The following EFNA5 variants were observed in gnomAD, a reference collection of about 807,000 sequenced individuals.
The protein encoded by EFNA5 is ephrin A5.
In EFNA5, 5 loss-of-function variants were observed where a neutral mutation model predicts 22.9. That is an observed-to-expected ratio of 0.22 (90% CI 0.11 to 0.46). The LOEUF (loss-of-function observed/expected upper bound fraction) is 0.46. Among genes scored for constraint, EFNA5 ranks in the 20% least tolerant of loss-of-function variants. EFNA5 has a pLI of 0.99. For synonymous variants in EFNA5, 113 were observed against 112.2 expected (o/e 1.01, Z -0.04); for missense variants, 237 against 293.3 (o/e 0.81, Z 1.40).
intron 1 of EFNA5, among the ~76,000 whole-genome samples, chr5:107,501,309 C>G (rs1230949137): frequency 9.2e-5 from 14 of 152,292 alleles, no homozygotes; most frequent in Non-Finnish European, 2.9e-5. Context: ...AACACAACAT[C>G]AACTATACAA....
intron 1 of EFNA5, among the ~76,000 whole-genome samples, chr5:107,565,821 A>G (rs372694853): frequency 1.3e-5 from 2 of 152,256 alleles, no homozygotes; most frequent in South Asian, 2.1e-4. Flanking sequence ...ACAGAAAAAT[A>G]AGAGCTGAGT....
intron 1 of EFNA5, among the ~76,000 whole-genome samples, chr5:107,597,450 C>A (rs994708551): frequency 6.6e-6 from 1 of 152,144 alleles, no homozygotes; most frequent in African/African-American, 2.4e-5. Context: ...ACAAAAACAT[C>A]ATCTAGTTTT....
At chr5:107,456,927 A>G (rs960384511) in intron 1 of EFNA5, among the ~76,000 whole-genome samples, 1 of 152,238 alleles carries the variant, frequency 6.6e-6, no homozygotes, top group Non-Finnish European at 1.5e-5. Flanking sequence ...TCTGACCCTT[A>G]GCACAGTTGT....
intron 1 of EFNA5, among the ~76,000 whole-genome samples, chr5:107,480,091 G>C (rs1186095109): frequency 1.3e-5 from 2 of 152,082 alleles, no homozygotes; most frequent in East Asian, 3.9e-4. Flanking sequence ...AACAAGTCAT[G>C]AGAAAATAAG....
At chr5:107,625,792 A>G (rs1396424190) in intron 1 of EFNA5, among the ~76,000 whole-genome samples, 1 of 152,190 alleles carries the variant, frequency 6.6e-6, no homozygotes, top group Admixed American at 6.5e-5. Flanking sequence ...CTACCCCTAA[A>G]TTAAATTAGT....
chr5:107,593,899 G>A (rs1193647849), intron 1 of EFNA5, among the ~76,000 whole-genome samples: 1 of 151,966 alleles, frequency 6.6e-6, no homozygotes, highest in Non-Finnish European at 1.5e-5. Context: ...AAATCCTTCT[G>A]GTATTTATAA....
intron 1 of EFNA5, among the ~76,000 whole-genome samples, chr5:107,579,242 T>C (rs1414194365): frequency 2.0e-5 from 3 of 152,202 alleles, no homozygotes; most frequent in Non-Finnish European, 4.4e-5. Flanking sequence ...CAAACACAGC[T>C]GGATTAGAAT....
intron 2 of EFNA5, among the ~76,000 whole-genome samples, chr5:107,400,357 C>G (rs1193358056): frequency 2.0e-5 from 3 of 151,398 alleles, no homozygotes; most frequent in Non-Finnish European, 4.4e-5. Context: ...CAGATAAAAC[C>G]CACCCTTCTG....
chr5:107,662,620 A>G (rs946923320), intron 1 of EFNA5, among the ~76,000 whole-genome samples: 4 of 152,098 alleles, frequency 2.6e-5, no homozygotes, highest in African/African-American at 9.7e-5. Context: ...ATCTATGAGA[A>G]CCCACAAGAA....
At chr5:107,441,029 T>TC (rs1324522028) in intron 1 of EFNA5, among the ~76,000 whole-genome samples, 10 of 151,492 alleles carry the variant, frequency 6.6e-5, no homozygotes, top group African/African-American at 1.7e-4. Flanking sequence ...TTTTTTTTTT[T>TC]CAGTTCTACA....
At chr5:107,538,925 T>C (rs1747987082) in intron 1 of EFNA5, among the ~76,000 whole-genome samples, 1 of 152,210 alleles carries the variant, frequency 6.6e-6, no homozygotes, top group African/African-American at 2.4e-5. Context: ...TGCTTTGATA[T>C]GGTTTCTGTA....
intron 1 of EFNA5, among the ~76,000 whole-genome samples, chr5:107,662,457 A>G (rs910109327): frequency 1.1e-4 from 16 of 152,222 alleles, no homozygotes; most frequent in African/African-American, 3.9e-4. Context: ...CACATGCAGT[A>G]GTAAGCAGTA....
chr5:107,383,897 A>G (rs1342081314), intron 4 of EFNA5, among the ~76,000 whole-genome samples: 1 of 152,200 alleles, frequency 6.6e-6, no homozygotes, highest in Non-Finnish European at 1.5e-5. Context: ...ACCATACACA[A>G]TCTTTGGAAT....
intron 1 of EFNA5, among the ~76,000 whole-genome samples, chr5:107,570,344 C>T (rs780608571): frequency 1.1e-4 from 16 of 152,290 alleles, no homozygotes; most frequent in South Asian, 6.2e-4. Flanking sequence ...CTGCTGCCTC[C>T]GGAAACCTCA....
At chr5:107,664,439 T>A (rs1320329997) in intron 1 of EFNA5, among the ~76,000 whole-genome samples, 13 of 152,174 alleles carry the variant, frequency 8.5e-5, no homozygotes, top group Admixed American at 7.9e-4. Context: ...GAAGTTCACA[T>A]TAATCACAAG....
chr5:107,538,698 G>A (rs1273105236), intron 1 of EFNA5, among the ~76,000 whole-genome samples: 1 of 152,234 alleles, frequency 6.6e-6, no homozygotes, highest in Non-Finnish European at 1.5e-5. Flanking sequence ...AATTTCACCA[G>A]GAATGTAGAG....
chr5:107,496,343 AAAAAAAAAAAC>A (rs1273875919), intron 1 of EFNA5, among the ~76,000 whole-genome samples: 3 of 149,678 alleles, frequency 2.0e-5, no homozygotes, highest in African/African-American at 7.4e-5. Context: ...TCTCAAAAAA[AAAAAAAAAAAC>A]AAAAAAACAA....
intron 1 of EFNA5, among the ~76,000 whole-genome samples, chr5:107,600,857 C>A (rs1749577382): frequency 6.6e-6 from 1 of 151,994 alleles, no homozygotes; most frequent in Admixed American, 6.6e-5. Context: ...AAATCTGGAC[C>A]TCACCCCGTG....
intron 1 of EFNA5, among the ~76,000 whole-genome samples, chr5:107,614,441 A>G (rs752672611): frequency 7.2e-5 from 11 of 152,198 alleles, no homozygotes; most frequent in Non-Finnish European, 1.2e-4. Context: ...TTTTTAAATT[A>G]TCATGGAAAT....
Sources: gnomAD v4.1 joint callset for allele counts (sites outside exome capture counted in the v4.1 genomes callset) on GRCh38, gnomAD v4.1.1 for gene constraint, MANE v1.5 for transcripts, NCBI Gene and HGNC (gene_info 2026-07-23, HGNC 2026-07-21) for gene names.